Variants in RAD54B observed in about 807,000 individuals in gnomAD.
The protein encoded by RAD54B is DNA repair and recombination protein RAD54B.
Under a neutral mutation model 95.8 loss-of-function variants are expected in RAD54B, and 78 were observed. The observed-to-expected ratio is 0.81, with a 90% confidence interval of 0.68 to 0.98. The LOEUF (loss-of-function observed/expected upper bound fraction) is 0.98. RAD54B is among the 50% of genes least tolerant of loss of function. RAD54B has a pLI of 0.00. For missense variants in RAD54B, 957 were observed against 1,056.6 expected (o/e 0.91, Z 1.31); for synonymous variants, 328 against 354.9 (o/e 0.92, Z 0.85).
At chr8:94,390,160 T>G (rs1284144773) in intron 10 of RAD54B, among the ~76,000 whole-genome samples, 1 of 151,366 alleles carries the variant, frequency 6.6e-6, no homozygotes, top group Non-Finnish European at 1.5e-5. Flanking sequence ...GGCAATAGAG[T>G]GAGACCCCAT....
At chr8:94,460,431 A>G (rs1403579114) in intron 2 of RAD54B, among the ~76,000 whole-genome samples, 1 of 152,196 alleles carries the variant, frequency 6.6e-6, no homozygotes, top group African/African-American at 2.4e-5. Context: ...AGATCACACC[A>G]CTGTACTCCA....
chr8:94,425,505 A>C (rs557588052), intron 3 of RAD54B, among the ~76,000 whole-genome samples: 3 of 152,246 alleles, frequency 2.0e-5, no homozygotes, highest in African/African-American at 7.2e-5. Flanking sequence ...AAAACCTACC[A>C]ATGTTTAATA....
At chr8:94,409,354 T>TC (rs1811472355) in intron 4 of RAD54B, among the ~76,000 whole-genome samples, 1 of 151,658 alleles carries the variant, frequency 6.6e-6, no homozygotes, top group Non-Finnish European at 1.5e-5. Flanking sequence ...AGTCTGGGCA[T>TC]CGGCATTTCT....
chr8:94,442,498 C>T (rs1205062445), intron 3 of RAD54B, among the ~76,000 whole-genome samples: 2 of 151,410 alleles, frequency 1.3e-5, no homozygotes, highest in African/African-American at 4.9e-5. Context: ...TGGCGTGAAC[C>T]CGGGAGGCGG....
At chr8:94,431,029 A>T in intron 3 of RAD54B, 2 of 985,328 alleles carry the variant, frequency 2.0e-6, no homozygotes, top group Non-Finnish European at 2.4e-6. Flanking sequence ...CTGAAATTAC[A>T]CCCACCCCAT....
chr8:94,401,366 A>G (rs1439641236), intron 6 of RAD54B, among the ~76,000 whole-genome samples: 1 of 152,140 alleles, frequency 6.6e-6, no homozygotes, highest in Admixed American at 6.5e-5. Flanking sequence ...AGCCTACTCA[A>G]CATGATAAGG....
intron 3 of RAD54B, among the ~76,000 whole-genome samples, chr8:94,439,086 T>C (rs1176916443): frequency 6.6e-6 from 1 of 151,450 alleles, no homozygotes; most frequent in Non-Finnish European, 1.5e-5. Context: ...AGCGAGACCC[T>C]GCCTCAAAAA....
chr8:94,371,978 T>C lies in RAD54B; in HGVS notation c.*192A>G, dbSNP rs543126048. On this transcript the variant is annotated 3_prime_UTR_variant, in exon 15 of 15. Transcript: ENST00000336148. The stretch of plus-strand genomic sequence containing the variant: ...ACAATTATACAATGATATAAGCACA[T>C]CTTTATTTTTCATTTAAACACTTAA... 5.0e-5 allele frequency: 47 copies of C among 948,448 alleles called. No individual in the cohort carries two copies. The highest frequency in any genetic ancestry group is 6.6e-5 in the Non-Finnish European group (46 of 698,586). The allele number at this position is 948,448 out of a possible 1,614,324, so 58.8% of individuals were successfully genotyped here.
intron 3 of RAD54B, among the ~76,000 whole-genome samples, chr8:94,450,771 G>GT (rs1812637273): frequency 6.6e-6 from 1 of 151,902 alleles, no homozygotes; most frequent in African/African-American, 2.4e-5. Context: ...TCCCAGCTAC[G>GT]TGGGAGGCTG....
At chr8:94,387,843 T>C (rs1267731360) in intron 10 of RAD54B, among the ~76,000 whole-genome samples, 1 of 152,198 alleles carries the variant, frequency 6.6e-6, no homozygotes, top group Non-Finnish European at 1.5e-5. Context: ...ATCAGAGATA[T>C]TCATGACTAC....
At chr8:94,401,113 T>C (rs1418558871) in intron 6 of RAD54B, among the ~76,000 whole-genome samples, 1 of 152,206 alleles carries the variant, frequency 6.6e-6, no homozygotes, top group African/African-American at 2.4e-5. Flanking sequence ...ATGTTTTATA[T>C]TTTTAAAGTT....
At chr8:94,463,998 C>T (rs1465777262) in intron 2 of RAD54B, among the ~76,000 whole-genome samples, 5 of 151,452 alleles carry the variant, frequency 3.3e-5, no homozygotes, top group Non-Finnish European at 4.4e-5. Context: ...CTCATAATTG[C>T]TAAAAAGTGG....
intron 9 of RAD54B, 26 bp from the exon 10 acceptor site, chr8:94,391,925 G>C (rs753664107): frequency 3.2e-6 from 5 of 1,567,156 alleles, no homozygotes; most frequent in Non-Finnish European, 3.5e-6. Flanking sequence ...AGACTTAAAT[G>C]AAAGTGTTAT....
intron 3 of RAD54B, among the ~76,000 whole-genome samples, chr8:94,421,653 C>G (rs1241943988): frequency 6.6e-6 from 1 of 152,166 alleles, no homozygotes; most frequent in Admixed American, 6.5e-5. Flanking sequence ...CTTATACAAG[C>G]CAGAAAACTG....
At chr8:94,467,878 G>T in intron 1 of RAD54B, 1 of 171,902 alleles carries the variant, frequency 5.8e-6, no homozygotes, top group Non-Finnish European at 1.2e-5. Context: ...TCCTTGAGTT[G>T]TTTTTCAGAA....
Position 94,423,681 on chromosome 8 carries a change from G to C in RAD54B, c.305-12366C>G, listed in dbSNP as rs183393572. Among the ~76,000 whole-genome samples, 28 of 152,122 alleles carry C rather than the reference G, an allele frequency of 1.8e-4. 1 individual carries two copies. Among genetic ancestry groups the C allele is most frequent in the Non-Finnish European group, 3.4e-4 (23 of 68,010 alleles). Reference sequence around the variant, plus strand: ...TTATTTTCGTTGTTTTACCAAGCCCGATCTTCCCAGATAAAGTTTTGAGGT... The same window carrying C: ...TTATTTTCGTTGTTTTACCAAGCCCCATCTTCCCAGATAAAGTTTTGAGGT... On this transcript the variant is annotated intron_variant, in intron 3 of 14. Coordinates refer to ENST00000336148, the MANE Select transcript of RAD54B (RefSeq NM_012415.3).
chr8:94,428,046 A>G (rs1009563474), intron 3 of RAD54B: 4 of 948,104 alleles, frequency 4.2e-6, no homozygotes, highest in Non-Finnish European at 3.8e-6. Flanking sequence ...GACTTTTCTC[A>G]GGATGTCATT....
At chr8:94,432,115 A>C in intron 3 of RAD54B, 1 of 1,511,632 alleles carries the variant, frequency 6.6e-7, no homozygotes, top group South Asian at 1.3e-5. Flanking sequence ...TCAAATTGCA[A>C]GATTGAAAAA....
intron 3 of RAD54B, chr8:94,429,972 T>G (rs1182006141): frequency 4.6e-5 from 45 of 985,256 alleles, no homozygotes; most frequent in Middle Eastern, 5.2e-4. Flanking sequence ...GCCCTCTAAT[T>G]CAAAGCATTC....
Sources: allele counts gnomAD v4.1 joint callset (sites outside exome capture counted in the v4.1 genomes callset), GRCh38; gene constraint gnomAD v4.1.1; transcripts MANE v1.5; gene names NCBI Gene and HGNC (gene_info 2026-07-23, HGNC 2026-07-21).